Variants in LDB2 observed in about 807,000 individuals in gnomAD.
LDB2 encodes the protein LIM domain-binding protein 2.
LDB2 carries 12 observed loss-of-function variants against 44.3 expected under a neutral mutation model. The observed-to-expected ratio is 0.27, with a 90% confidence interval of 0.17 to 0.44. The LOEUF is 0.44. LDB2 is among the 20% of genes least tolerant of loss of function. LDB2 has a pLI of 1.00. For missense variants in LDB2, 344 were observed against 473.5 expected, an observed-to-expected ratio of 0.73 and a Z score of 2.54; for synonymous variants, 164 against 174.8, an observed-to-expected ratio of 0.94 and a Z score of 0.49.
At chr4:16,510,477 CTTCT>C (rs1721309804) in intron 6 of LDB2, among the ~76,000 whole-genome samples, 1 of 152,170 alleles carries the variant, frequency 6.6e-6, no homozygotes, top group Non-Finnish European at 1.5e-5. Context: ...TGACAAGTAT[CTTCT>C]TTCTTTGACC....
intron 1 of LDB2, among the ~76,000 whole-genome samples, chr4:16,882,619 T>C (rs1720486594): frequency 1.3e-5 from 2 of 152,214 alleles, no homozygotes; most frequent in Non-Finnish European, 2.9e-5. Flanking sequence ...AGGCTGAGAT[T>C]TCAGCTTCTA....
chr4:16,510,097 G>A (rs938299576), intron 6 of LDB2, among the ~76,000 whole-genome samples: 1 of 152,118 alleles, frequency 6.6e-6, no homozygotes, highest in Non-Finnish European at 1.5e-5. Flanking sequence ...CTGGGTGACA[G>A]AGCAAGACCA....
chr4:16,893,998 T>G (rs957374456), intron 1 of LDB2, among the ~76,000 whole-genome samples: 2 of 152,282 alleles, frequency 1.3e-5, no homozygotes, highest in Non-Finnish European at 2.9e-5. Context: ...TCACTTACAA[T>G]GATGTCCACT....
chr4:16,880,951 G>A (rs968649259), intron 1 of LDB2, among the ~76,000 whole-genome samples: 7 of 151,384 alleles, frequency 4.6e-5, no homozygotes, highest in Admixed American at 4.6e-4. Flanking sequence ...GCCAGGTGAG[G>A]TTCCCAACCT....
chr4:16,694,654 C>T lies in LDB2; in HGVS notation c.235+64504G>A, dbSNP rs560962449. Among the ~76,000 whole-genome samples, 73 of 152,256 alleles carry T rather than the reference C, an allele frequency of 4.8e-4. No individual in the cohort carries two copies. The South Asian group carries it at 0.012, about 26-fold the overall frequency. ...CTTGAAACTTATGATGGGGTGTGTGCGGGCTCTGGCAAGGAGATGAAATCC... is the reference window on the plus strand; with the variant it reads ...CTTGAAACTTATGATGGGGTGTGTGTGGGCTCTGGCAAGGAGATGAAATCC... On this transcript the variant is annotated intron_variant, in intron 2 of 7. Coordinates refer to ENST00000304523, the MANE Select transcript of LDB2 (RefSeq NM_001290.5).
At chr4:16,875,012 C>T (rs1386556327) in intron 1 of LDB2, among the ~76,000 whole-genome samples, 1 of 152,140 alleles carries the variant, frequency 6.6e-6, no homozygotes, top group Non-Finnish European at 1.5e-5. Flanking sequence ...CAAACCACTA[C>T]AGCCATAGAC....
intron 1 of LDB2, among the ~76,000 whole-genome samples, chr4:16,831,244 T>C (rs1393028716): frequency 1.4e-5 from 2 of 147,592 alleles, no homozygotes; most frequent in African/African-American, 5.0e-5. Context: ...TTTAGGAGTA[T>C]AGGACAAGCA....
At chr4:16,641,464 G>A (rs1013168505) in intron 2 of LDB2, among the ~76,000 whole-genome samples, 22 of 152,124 alleles carry the variant, frequency 1.4e-4, no homozygotes, top group Admixed American at 1.4e-3. Flanking sequence ...TAGGAAGCAT[G>A]GCATGGGTAT....
intron 1 of LDB2, among the ~76,000 whole-genome samples, chr4:16,838,318 T>C (rs914514844): frequency 6.6e-6 from 1 of 152,180 alleles, no homozygotes; most frequent in African/African-American, 2.4e-5. Context: ...CTCAAACTAA[T>C]CTGCCTTTCA....
chr4:16,867,106 C>T (rs1714981187), intron 1 of LDB2, among the ~76,000 whole-genome samples: 1 of 152,164 alleles, frequency 6.6e-6, no homozygotes, highest in Non-Finnish European at 1.5e-5. Context: ...AGCCTCCATG[C>T]TGTGGGGAAG....
chr4:16,731,520 C>T (rs1314594169), intron 2 of LDB2, among the ~76,000 whole-genome samples: 1 of 152,118 alleles, frequency 6.6e-6, no homozygotes, highest in East Asian at 1.9e-4. Context: ...TTCTCCCTCT[C>T]TCTCCGCACA....
chr4:16,627,785 C>T (rs377731585), intron 2 of LDB2, among the ~76,000 whole-genome samples: 15 of 152,274 alleles, frequency 9.9e-5, no homozygotes, highest in South Asian at 2.1e-4. Context: ...ATGAGAGAAG[C>T]GATGGGATAT....
chr4:16,645,101 C>G (rs1171387617), intron 2 of LDB2, among the ~76,000 whole-genome samples: 1 of 152,222 alleles, frequency 6.6e-6, no homozygotes, highest in African/African-American at 2.4e-5. Context: ...AAAAGGAGCA[C>G]AGGCAAATAA....
At chr4:16,566,782 AC>A (rs1455298455) in intron 5 of LDB2, among the ~76,000 whole-genome samples, 1 of 152,186 alleles carries the variant, frequency 6.6e-6, no homozygotes, top group Non-Finnish European at 1.5e-5. Flanking sequence ...TTAAAATATA[AC>A]ATCCTACATA....
chr4:16,631,815 C>T (rs1480457223), intron 2 of LDB2, among the ~76,000 whole-genome samples: 2 of 152,168 alleles, frequency 1.3e-5, no homozygotes, highest in Non-Finnish European at 2.9e-5. Flanking sequence ...CACCTCTACG[C>T]AAATGAACCA....
intron 1 of LDB2, among the ~76,000 whole-genome samples, chr4:16,817,000 A>G (rs1228099957): frequency 6.6e-6 from 1 of 151,906 alleles, no homozygotes; most frequent in African/African-American, 2.4e-5. Flanking sequence ...TATTATTTTT[A>G]TTGGCTTCAG....
In LDB2 at chr4:16,876,687, T is replaced by C. The variant is rs552748035; in HGVS notation, c.132+21667A>G. Among the ~76,000 whole-genome samples the C allele has an allele frequency of 7.2e-4, 110 of 152,246 alleles. 1 individual carries two copies. The highest frequency in any genetic ancestry group is 2.5e-3 in the African/African-American group (105 of 41,552). On this transcript the variant is annotated intron_variant, in intron 1 of 7. Transcript: ENST00000304523. The stretch of plus-strand genomic sequence containing the variant: ...GGGTTTTTTTTTTAAGGATTCAATT[T>C]GCATAGCTAATTCTACCACAAATCT...
intron 5 of LDB2, among the ~76,000 whole-genome samples, chr4:16,558,166 A>C (rs1212578097): frequency 6.6e-6 from 1 of 152,200 alleles, no homozygotes; most frequent in African/African-American, 2.4e-5. Context: ...CGTCCCTCCA[A>C]AGGAACCCAG....
At chr4:16,835,195 T>G (rs566216955) in intron 1 of LDB2, among the ~76,000 whole-genome samples, 1 of 152,222 alleles carries the variant, frequency 6.6e-6, no homozygotes, top group South Asian at 2.1e-4. Flanking sequence ...ACAATTTGAG[T>G]TTTGAAGTAT....
Sources: gnomAD v4.1 joint callset for allele counts (sites outside exome capture counted in the v4.1 genomes callset) on GRCh38, gnomAD v4.1.1 for gene constraint, MANE v1.5 for transcripts, NCBI Gene and HGNC (gene_info 2026-07-23, HGNC 2026-07-21) for gene names.